The following TMC1 variants were observed in gnomAD, a reference collection of about 807,000 sequenced individuals.
TMC1 encodes transmembrane channel like 1.
In TMC1, 84 loss-of-function variants were observed where a neutral mutation model predicts 105.8. That is an observed-to-expected ratio of 0.79 (90% CI 0.67 to 0.95). TMC1 has a LOEUF of 0.95. Among genes scored for constraint, TMC1 ranks in the 40% least tolerant of loss-of-function variants. The probability of loss-of-function intolerance (pLI) is 0.00; values close to 1 mark genes in which losing one functional copy is unlikely to be tolerated. For synonymous variants in TMC1, 315 were observed against 311.5 expected (o/e 1.01, Z -0.12); for missense variants, 817 against 914.1 (o/e 0.89, Z 1.37).
chr9:72,658,960 G>T (rs1029117550), intron 5 of TMC1, among the ~76,000 whole-genome samples: 6 of 152,230 alleles, frequency 3.9e-5, no homozygotes, highest in African/African-American at 1.4e-4. Context: ...TGGCCACATA[G>T]TGTGAGCAAA....
At chr9:72,726,557 A>G (rs1588052175) in intron 8 of TMC1, among the ~76,000 whole-genome samples, 1 of 152,162 alleles carries the variant, frequency 6.6e-6, no homozygotes, top group African/African-American at 2.4e-5. Context: ...GTGTTCCCCA[A>G]TTGCTTAGGA....
intron 2 of TMC1, among the ~76,000 whole-genome samples, chr9:72,582,345 A>G (rs1402479947): frequency 6.6e-6 from 1 of 152,250 alleles, no homozygotes; most frequent in Admixed American, 6.5e-5. Flanking sequence ...CTATGCTTTA[A>G]TGTCCTGTCT....
At chr9:72,794,389 G>A (rs1007995900) in intron 17 of TMC1, among the ~76,000 whole-genome samples, 29 of 152,096 alleles carry the variant, frequency 1.9e-4, no homozygotes, top group Non-Finnish European at 3.2e-4. Flanking sequence ...GCATTGAGAG[G>A]GAACATGGCT....
At chr9:72,821,255 A>C (rs1828867750) in intron 20 of TMC1, among the ~76,000 whole-genome samples, 174 bp downstream of exon 20, 1 of 152,100 alleles carries the variant, frequency 6.6e-6, no homozygotes, top group Non-Finnish European at 1.5e-5. Flanking sequence ...GCACTTTGGG[A>C]GGCTGAGGCA....
At chr9:72,562,375 G>A (rs1824072049) in intron 1 of TMC1, among the ~76,000 whole-genome samples, 1 of 152,120 alleles carries the variant, frequency 6.6e-6, no homozygotes, top group African/African-American at 2.4e-5. Context: ...TGAAAACAGT[G>A]CTCTCATGTA....
At chr9:72,569,960 G>A (rs1434709736) in intron 1 of TMC1, among the ~76,000 whole-genome samples, 1 of 152,134 alleles carries the variant, frequency 6.6e-6, no homozygotes, top group African/African-American at 2.4e-5. Context: ...GGATAAGGGT[G>A]TGGGGTGTGT....
intron 1 of TMC1, among the ~76,000 whole-genome samples, chr9:72,570,676 CTTTTTTTTTTTTTTTT>C (rs529953890): frequency 7.9e-5 from 6 of 75,614 alleles, no homozygotes; most frequent in Non-Finnish European, 1.2e-4. Context: ...GCCAAATTTC[CTTTTTTTTTTTTTTTT>C]TTTTTTTTTT....
chr9:72,576,123 A>G (rs1824375545), intron 1 of TMC1, among the ~76,000 whole-genome samples: 1 of 152,242 alleles, frequency 6.6e-6, no homozygotes, highest in African/African-American at 2.4e-5. Flanking sequence ...ATCTTCATTA[A>G]GATGTCAAAC....
At chr9:72,629,317 A>C (rs1434302517) in intron 4 of TMC1, among the ~76,000 whole-genome samples, 1 of 152,172 alleles carries the variant, frequency 6.6e-6, no homozygotes, top group East Asian at 1.9e-4. Context: ...TCAGTTTTAC[A>C]GCTAGGAAGG....
intron 2 of TMC1, among the ~76,000 whole-genome samples, chr9:72,582,052 G>T (rs1403623423): frequency 6.6e-6 from 1 of 151,520 alleles, no homozygotes; most frequent in African/African-American, 2.4e-5. Flanking sequence ...CCGCCTCCTG[G>T]GTTCAAGCGA....
At chr9:72,773,524 T>C (rs1827963898) in intron 13 of TMC1, among the ~76,000 whole-genome samples, 1 of 152,162 alleles carries the variant, frequency 6.6e-6, no homozygotes, top group Non-Finnish European at 1.5e-5. Context: ...TAAAACCTTA[T>C]AGGAAATCCT....
At chr9:72,835,212 T>A (rs1829102699) in intron 23 of TMC1, among the ~76,000 whole-genome samples, 1 of 152,200 alleles carries the variant, frequency 6.6e-6, no homozygotes, top group Admixed American at 6.5e-5. Flanking sequence ...TTCAATGTAT[T>A]TACCTCCGCA....
intron 12 of TMC1, among the ~76,000 whole-genome samples, chr9:72,770,110 G>A (rs761125250): frequency 5.9e-5 from 9 of 151,944 alleles, no homozygotes; most frequent in Non-Finnish European, 1.2e-4. Context: ...CTGGGTCTTG[G>A]GGAGTTGGTC....
At chr9:72,746,018 A>C (rs907420426) in intron 10 of TMC1, among the ~76,000 whole-genome samples, 3 of 152,202 alleles carry the variant, frequency 2.0e-5, no homozygotes, top group East Asian at 3.8e-4. Flanking sequence ...AAATCCTCAA[A>C]AATTTGAATG....
chr9:72,726,578 T>C (rs569744769), intron 8 of TMC1, among the ~76,000 whole-genome samples: 3 of 152,334 alleles, frequency 2.0e-5, no homozygotes, highest in African/African-American at 7.2e-5. Context: ...CAGTCTTCCA[T>C]GTCTAAGTTT....
At chr9:72,711,429 G>A (rs1176124746) in intron 8 of TMC1, among the ~76,000 whole-genome samples, 3 of 152,162 alleles carry the variant, frequency 2.0e-5, no homozygotes, top group Non-Finnish European at 4.4e-5. Context: ...TCCAGCACCT[G>A]TTGTTTCCTG....
At chr9:72,554,457 A>C (rs550108520) in intron 1 of TMC1, among the ~76,000 whole-genome samples, 1 of 152,276 alleles carries the variant, frequency 6.6e-6, no homozygotes, top group East Asian at 1.9e-4. Context: ...CAAAAGACAG[A>C]ACGCTGGAAA....
chr9:72,575,882 G>A (rs1478485301), intron 1 of TMC1, among the ~76,000 whole-genome samples: 1 of 149,568 alleles, frequency 6.7e-6, no homozygotes, highest in African/African-American at 2.5e-5. Flanking sequence ...TATGAGTCAG[G>A]AAAGAGGGCC....
At chr9:72,606,094 C>T (rs1824907242) in intron 2 of TMC1, among the ~76,000 whole-genome samples, 2 of 152,140 alleles carry the variant, frequency 1.3e-5, no homozygotes, top group South Asian at 2.1e-4. Context: ...AGCCCATAGA[C>T]ACCTGTCATG....
Sources: gnomAD v4.1 joint callset for allele counts (sites outside exome capture counted in the v4.1 genomes callset) on GRCh38, gnomAD v4.1.1 for gene constraint, MANE v1.5 for transcripts, NCBI Gene and HGNC (gene_info 2026-07-23, HGNC 2026-07-21) for gene names.